RNF216: variants seen among roughly 807,000 people sequenced by gnomAD.
RNF216 encodes the protein E3 ubiquitin-protein ligase RNF216.
A neutral mutation model predicts 110.8 loss-of-function variants in RNF216; 72 were observed. The observed-to-expected ratio is 0.65, with a 90% CI of 0.54 to 0.79. RNF216 has a LOEUF of 0.79. Ranked by LOEUF, RNF216 falls within the 30% of genes least tolerant of loss-of-function variation. The pLI is 0.00. For synonymous variants in RNF216, 495 were observed against 407.5 expected (o/e 1.21, Z -2.59); for missense variants, 1,342 against 1,141.2 (o/e 1.18, Z -2.54).
At chr7:5,721,857 G>A (rs1793445903) in intron 8 of RNF216, among the ~76,000 whole-genome samples, 1 of 152,220 alleles carries the variant, frequency 6.6e-6, no homozygotes, top group East Asian at 1.9e-4. Context: ...AAAGAGAGCA[G>A]AATAACAAAT....
intron 3 of RNF216, among the ~76,000 whole-genome samples, chr7:5,747,910 T>A (rs1795121504): frequency 6.6e-6 from 1 of 152,070 alleles, no homozygotes; most frequent in Non-Finnish European, 1.5e-5. Context: ...CTCAAAGGAC[T>A]GAGATTACAG....
intron 9 of RNF216, among the ~76,000 whole-genome samples, chr7:5,720,074 G>A (rs4724714): frequency 0.98 from 150,012 of 152,380 alleles, 73,856 homozygotes; most frequent in African/African-American, 0.99. Context: ...AACAATGATT[G>A]TGACGATGGC....
At chr7:5,764,759 A>G (rs1428525257) in intron 1 of RNF216, among the ~76,000 whole-genome samples, 1 of 152,144 alleles carries the variant, frequency 6.6e-6, no homozygotes, top group Non-Finnish European at 1.5e-5. Context: ...TGATCCCTTA[A>G]ATTCTTTTTC....
At chr7:5,742,399 A>T (rs1017818459) in intron 3 of RNF216, among the ~76,000 whole-genome samples, 1 of 152,152 alleles carries the variant, frequency 6.6e-6, no homozygotes, top group Non-Finnish European at 1.5e-5. Context: ...TCCACAGCAG[A>T]TACAACAATG....
intron 15 of RNF216, among the ~76,000 whole-genome samples, chr7:5,627,796 C>T (rs1786806833): frequency 1.3e-5 from 2 of 151,826 alleles, no homozygotes; most frequent in African/African-American, 4.8e-5. Flanking sequence ...TCAGACTCTC[C>T]CCTGATAAAA....
intron 15 of RNF216, among the ~76,000 whole-genome samples, chr7:5,639,501 T>C (rs1179534122): frequency 6.6e-6 from 1 of 152,102 alleles, no homozygotes; most frequent in Non-Finnish European, 1.5e-5. Flanking sequence ...TCTCACATTG[T>C]CACCCAGGCT....
intron 1 of RNF216, among the ~76,000 whole-genome samples, chr7:5,781,010 T>C (rs1025300723): frequency 8.6e-5 from 13 of 151,972 alleles, no homozygotes; most frequent in African/African-American, 1.9e-4. Flanking sequence ...GCAGAAGGGT[T>C]TGACGCACTT....
At chr7:5,649,173 G>C (rs1788229971) in intron 14 of RNF216, among the ~76,000 whole-genome samples, 1 of 152,146 alleles carries the variant, frequency 6.6e-6, no homozygotes, top group South Asian at 2.1e-4. Flanking sequence ...CTTGAGGTCA[G>C]GAGTTCGAGA....
intron 14 of RNF216, among the ~76,000 whole-genome samples, chr7:5,645,689 C>G (rs1203579385): frequency 1.3e-5 from 2 of 152,014 alleles, no homozygotes; most frequent in Non-Finnish European, 2.9e-5. Flanking sequence ...CTGCCGGGTT[C>G]AAATGATTCT....
chr7:5,753,938 T>C (rs894225379), intron 2 of RNF216, among the ~76,000 whole-genome samples: 2 of 152,068 alleles, frequency 1.3e-5, no homozygotes, highest in African/African-American at 2.4e-5. Flanking sequence ...GAGGTTGCAG[T>C]GAGCTGAGAT....
At chr7:5,709,614 T>C (rs1455006375) in intron 13 of RNF216, among the ~76,000 whole-genome samples, 4 of 152,208 alleles carry the variant, frequency 2.6e-5, no homozygotes, top group Non-Finnish European at 5.9e-5. Context: ...GCCATGTATA[T>C]TCCTCCCATA....
intron 7 of RNF216, among the ~76,000 whole-genome samples, chr7:5,728,231 C>A (rs148148902): frequency 2.6e-5 from 4 of 152,320 alleles, no homozygotes; most frequent in Non-Finnish European, 5.9e-5. Context: ...GACCCTTGGT[C>A]TACCTTAGGT....
intron 9 of RNF216, among the ~76,000 whole-genome samples, chr7:5,719,036 T>C (rs1442238095): frequency 1.0e-4 from 10 of 95,416 alleles, no homozygotes; most frequent in African/African-American, 3.0e-4. Context: ...ATATTTTAAA[T>C]ATTGAATAAT....
intron 1 of RNF216, among the ~76,000 whole-genome samples, chr7:5,765,103 A>C (rs775171551): frequency 1.9e-4 from 29 of 151,538 alleles, no homozygotes; most frequent in Non-Finnish European, 3.5e-4. Context: ...GGGATAAAAC[A>C]ATTTTTACAC....
intron 13 of RNF216, among the ~76,000 whole-genome samples, chr7:5,684,644 T>C (rs1409406230): frequency 5.3e-5 from 8 of 152,202 alleles, no homozygotes; most frequent in South Asian, 4.1e-4. Context: ...CCACTCAGGC[T>C]GTGGTGGCTG....
intron 1 of RNF216, among the ~76,000 whole-genome samples, chr7:5,774,052 TGAG>T (rs1424249427): frequency 6.6e-6 from 1 of 152,204 alleles, no homozygotes; most frequent in Non-Finnish European, 1.5e-5. Flanking sequence ...CCCCAACCTG[TGAG>T]AAGAAAAGAA....
At chr7:5,632,828 T>C (rs578209717) in intron 15 of RNF216, among the ~76,000 whole-genome samples, 1 of 152,186 alleles carries the variant, frequency 6.6e-6, no homozygotes, top group South Asian at 2.1e-4. Context: ...CCAGAAGGTG[T>C]ACCTATGGAT....
intron 14 of RNF216, chr7:5,649,494 A>G (rs1172724039): frequency 6.6e-6 from 1 of 152,112 alleles, no homozygotes; most frequent in African/African-American, 2.4e-5. Context: ...GGATGACAGA[A>G]TAAGACACTG....
intron 5 of RNF216, among the ~76,000 whole-genome samples, chr7:5,738,570 T>C (rs1178024074): frequency 2.6e-5 from 4 of 151,696 alleles, no homozygotes; most frequent in African/African-American, 9.7e-5. Context: ...TAGCCAGGCG[T>C]GCTGGCAGGC....
Sources: gnomAD v4.1 joint callset for allele counts (sites outside exome capture counted in the v4.1 genomes callset) on GRCh38, gnomAD v4.1.1 for gene constraint, MANE v1.5 for transcripts, NCBI Gene and HGNC (gene_info 2026-07-23, HGNC 2026-07-21) for gene names.